Variants in EYS observed in about 807,000 individuals in gnomAD.
EYS encodes the protein protein eyes shut homolog.
A neutral mutation model predicts 282.1 loss-of-function variants in EYS; 250 were observed. The ratio of observed to expected loss-of-function variants is 0.89; its 90% CI spans 0.80 to 0.98. The LOEUF is 0.98. EYS is among the 50% of genes least tolerant of loss of function. EYS has a pLI of 0.00. For missense variants in EYS, 4,016 were observed against 3,709.0 expected, an observed-to-expected ratio of 1.08 and a Z score of -2.15; for synonymous variants, 1,355 against 1,282.9, an observed-to-expected ratio of 1.06 and a Z score of -1.20.
chr6:64,246,522 AG>A (rs1241311999), intron 30 of EYS, among the ~76,000 whole-genome samples: 1 of 152,194 alleles, frequency 6.6e-6, no homozygotes, highest in Non-Finnish European at 1.5e-5. Flanking sequence ...AAGTAGGCTT[AG>A]ACATGTGTGT....
At chr6:63,745,045 A>T in intron 41 of EYS, 1 of 425,854 alleles carries the variant, frequency 2.3e-6, no homozygotes, top group Non-Finnish European at 4.6e-6. Flanking sequence ...GAATATTCAG[A>T]TGCCAAAAAA....
chr6:65,589,322 T>C (rs778069187), intron 2 of EYS, among the ~76,000 whole-genome samples: 1 of 152,106 alleles, frequency 6.6e-6, no homozygotes, highest in Non-Finnish European at 1.5e-5. Flanking sequence ...TTTGACTCTT[T>C]GACGATCCTT....
intron 30 of EYS, among the ~76,000 whole-genome samples, chr6:64,272,027 A>G (rs928636456): frequency 1.3e-5 from 2 of 152,068 alleles, no homozygotes; most frequent in African/African-American, 4.8e-5. Context: ...CACCTGGCCT[A>G]TATATTCCCT....
chr6:64,410,069 A>G (rs2150442860), intron 28 of EYS, among the ~76,000 whole-genome samples: 1 of 152,230 alleles, frequency 6.6e-6, no homozygotes, highest in African/African-American at 2.4e-5. Flanking sequence ...AAATTAGGGC[A>G]TTCATGGACT....
At chr6:64,663,249 A>C (rs996953090) in intron 22 of EYS, among the ~76,000 whole-genome samples, 2 of 152,232 alleles carry the variant, frequency 1.3e-5, no homozygotes, top group Non-Finnish European at 2.9e-5. Flanking sequence ...TTCTGACGAA[A>C]TATACCATTG....
intron 31 of EYS, among the ~76,000 whole-genome samples, chr6:64,201,641 AT>A (rs1197385197): frequency 6.6e-6 from 1 of 152,156 alleles, no homozygotes; most frequent in Non-Finnish European, 1.5e-5. Flanking sequence ...AGTGAAATAG[AT>A]GTTACACCTA....
intron 12 of EYS, among the ~76,000 whole-genome samples, chr6:65,216,538 A>C (rs1303117284): frequency 1.3e-5 from 2 of 151,920 alleles, no homozygotes; most frequent in African/African-American, 4.8e-5. Context: ...GTGGTGTGAG[A>C]AGCACTAGTT....
chr6:64,987,369 G>A (rs951658731), intron 14 of EYS, among the ~76,000 whole-genome samples: 1 of 151,558 alleles, frequency 6.6e-6, no homozygotes, highest in Non-Finnish European at 1.5e-5. Flanking sequence ...TGAATTCTCT[G>A]TGGGGGATAT....
At chr6:64,647,433 T>C (rs2149875636) in intron 22 of EYS, among the ~76,000 whole-genome samples, 1 of 152,338 alleles carries the variant, frequency 6.6e-6, no homozygotes, top group Non-Finnish European at 1.5e-5. Context: ...TTAATACAGG[T>C]AACTTTGTTT....
At position 65,371,993 on chromosome 6, in the gene EYS, T is replaced by TA. The variant is rs5876961; in HGVS notation, c.1299+12392dup. 5.0e-4 allele frequency among the ~76,000 whole-genome samples: 47 copies of TA among 93,228 alleles called. 1 individual carries two copies. In the East Asian group the frequency reaches 7.9e-3, roughly 16 times the overall value. 61.2% of individuals were successfully genotyped at this position (93,228 alleles called of 152,430 possible). On this transcript the variant is annotated intron_variant, in intron 8 of 42. Coordinates refer to ENST00000503581, the MANE Select transcript of EYS (RefSeq NM_001142800.2). ...AAGTCACTCTTGTTGAGGATAATTG[T>TA]AAAAAAAAAAAAAAGCAAAACTGAT...
At position 63,908,059 on chromosome 6, in the gene EYS, T is replaced by A. The variant is rs577198369; in HGVS notation, c.7056-43701A>T. Among the ~76,000 whole-genome samples, 5 of 147,350 alleles carry A rather than the reference T, an allele frequency of 3.4e-5. No homozygotes were observed. The South Asian group carries it at 1.1e-3, about 32-fold the overall frequency. On this transcript the variant is annotated intron_variant, in intron 35 of 42. Transcript: ENST00000503581. ...GTTTGTGTGTGTGTGTGTGTGTGTG[T>A]GTGTGTAAATATATCTGTCTCAGTC...
At chr6:65,687,352 A>G (rs1284271909) in intron 1 of EYS, among the ~76,000 whole-genome samples, 1 of 152,130 alleles carries the variant, frequency 6.6e-6, no homozygotes, top group East Asian at 1.9e-4. Flanking sequence ...CCAGCTTTAA[A>G]TATGACATAT....
intron 2 of EYS, among the ~76,000 whole-genome samples, chr6:65,621,654 G>T (rs979776787): frequency 6.6e-6 from 1 of 151,762 alleles, no homozygotes; most frequent in Non-Finnish European, 1.5e-5. Flanking sequence ...AGTCTCGATG[G>T]TCTTTACATT....
intron 35 of EYS, among the ~76,000 whole-genome samples, chr6:63,883,019 G>C (rs928993863): frequency 2.0e-5 from 3 of 152,120 alleles, no homozygotes; most frequent in African/African-American, 7.2e-5. Context: ...CTCCCCAGCA[G>C]CTGAAGGCAA....
chr6:65,459,968 TTATATA>T (rs34762215), intron 5 of EYS, among the ~76,000 whole-genome samples: 15,356 of 80,572 alleles, frequency 0.19, 1,229 homozygotes, highest in East Asian at 0.26. Context: ...TTTGTGTATT[TTATATA>T]TATATATATA....
At chr6:64,707,622 G>A (rs756520593) in intron 22 of EYS, among the ~76,000 whole-genome samples, 22 of 142,872 alleles carry the variant, frequency 1.5e-4, no homozygotes, top group Middle Eastern at 4.2e-3. Flanking sequence ...TGGAGATCAC[G>A]CCACTGCACT....
intron 1 of EYS, among the ~76,000 whole-genome samples, chr6:65,642,614 C>T (rs1767316327): frequency 6.6e-6 from 1 of 152,098 alleles, no homozygotes; most frequent in Non-Finnish European, 1.5e-5. Flanking sequence ...TTAGACTCTT[C>T]ATTTTGTTCT....
At chr6:63,883,686 G>T (rs1193027473) in intron 35 of EYS, among the ~76,000 whole-genome samples, 1 of 152,210 alleles carries the variant, frequency 6.6e-6, no homozygotes, top group Non-Finnish European at 1.5e-5. Flanking sequence ...TAAATTGCTT[G>T]TAACTAAACC....
chr6:64,440,199 A>T (rs1323903924), intron 26 of EYS, among the ~76,000 whole-genome samples: 1 of 151,944 alleles, frequency 6.6e-6, no homozygotes, highest in Non-Finnish European at 1.5e-5. Context: ...AAACCATGTG[A>T]GTTTTAGTTT....
Sources: allele counts gnomAD v4.1 joint callset (sites outside exome capture counted in the v4.1 genomes callset), GRCh38; gene constraint gnomAD v4.1.1; transcripts MANE v1.5; gene names NCBI Gene and HGNC (gene_info 2026-07-23, HGNC 2026-07-21).